Variants in NBEAL1 observed in about 807,000 individuals in gnomAD.
NBEAL1 encodes neurobeachin like 1.
A neutral mutation model predicts 351.3 loss-of-function variants in NBEAL1; 273 were observed. The observed-to-expected ratio is 0.78, with a 90% CI of 0.70 to 0.86. The LOEUF (loss-of-function observed/expected upper bound fraction) is 0.86. Ranked by LOEUF, NBEAL1 falls within the 40% of genes least tolerant of loss-of-function variation. The pLI, the probability that NBEAL1 is intolerant of heterozygous loss-of-function variation, is 0.00. For missense variants in NBEAL1, 2,961 were observed against 3,201.3 expected (o/e 0.92, Z 1.81); for synonymous variants, 1,050 against 1,086.4 (o/e 0.97, Z 0.66).
At chr2:203,140,189 G>A (rs1449256844) in intron 31 of NBEAL1, among the ~76,000 whole-genome samples, 3 of 151,894 alleles carry the variant, frequency 2.0e-5, no homozygotes, top group South Asian at 2.1e-4. Context: ...TGTAATTCCA[G>A]CTATTTGGGG....
chr2:203,192,272 T>G (rs2065111764), intron 46 of NBEAL1, among the ~76,000 whole-genome samples: 1 of 152,240 alleles, frequency 6.6e-6, no homozygotes, highest in Admixed American at 6.5e-5. Context: ...TCACACCTGC[T>G]TTACCTTTCT....
chr2:203,207,250 C>T (rs1231985511), intron 51 of NBEAL1, among the ~76,000 whole-genome samples: 2 of 151,166 alleles, frequency 1.3e-5, no homozygotes. Flanking sequence ...AAGTGAAGAG[C>T]ATCTCCGCCC....
intron 4 of NBEAL1, among the ~76,000 whole-genome samples, chr2:203,051,770 GTAGA>G (rs982403576): frequency 1.1e-4 from 17 of 152,242 alleles, no homozygotes; most frequent in East Asian, 7.7e-4. Context: ...TTTTTGGGTA[GTAGA>G]TAGTTTCTTA....
intron 18 of NBEAL1, among the ~76,000 whole-genome samples, chr2:203,121,646 C>T (rs2062833797): frequency 6.9e-6 from 1 of 145,048 alleles, no homozygotes; most frequent in Non-Finnish European, 1.5e-5. Context: ...GAGTGAGACT[C>T]TGTCTCCAAA....
intron 4 of NBEAL1, among the ~76,000 whole-genome samples, chr2:203,053,384 C>A (rs2061353424): frequency 1.3e-5 from 2 of 152,046 alleles, no homozygotes; most frequent in Non-Finnish European, 2.9e-5. Context: ...GGTGAAGTGT[C>A]TATTTAGATC....
rs370056682 is a variant in NBEAL1 at position 203,149,016 on chromosome 2, G to A, written c.5330G>A (p.Arg1777Gln). Residue 1777 changes from arginine to glutamine, a missense_variant, in exon 34 of 56, where the codon CGA becomes CAA. Arg to Gln is a conservative substitution (Grantham distance 43). Coordinates refer to ENST00000683969, the MANE Select transcript of NBEAL1 (RefSeq NM_001378026.1). ...GAGCTGTTTGTGGAGCCATTTAATC[G>A]AAAAGCACGCCAAGAGAACCTGAGG... ...FQELFVEPFN[R>Q]KARQENLRYN... is the part of the protein sequence containing the mutation. 5.6e-5 allele frequency: 90 copies of A among 1,607,538 alleles called. No individual in the cohort carries two copies. The highest frequency in any genetic ancestry group is 1.7e-4 in the Middle Eastern group (1 of 6,054).
At chr2:203,190,818 A>G (rs1575108660) in intron 46 of NBEAL1, 1 of 1,611,048 alleles carries the variant, frequency 6.2e-7, no homozygotes, top group Non-Finnish European at 8.5e-7. Context: ...TCAAAGTCGT[A>G]TACCTGAGGT....
chr2:203,187,367 GTTTTTTTT>G (rs71034225), intron 44 of NBEAL1, among the ~76,000 whole-genome samples: 2 of 87,790 alleles, frequency 2.3e-5, no homozygotes, highest in African/African-American at 8.7e-5. Flanking sequence ...TCTTGCAATG[GTTTTTTTT>G]TTTTTTTTTT....
At chr2:203,025,438 T>A (rs1399887864) in intron 2 of NBEAL1, among the ~76,000 whole-genome samples, 1 of 152,232 alleles carries the variant, frequency 6.6e-6, no homozygotes, top group East Asian at 1.9e-4. Context: ...AATTATTATA[T>A]CTGAAATACT....
intron 49 of NBEAL1, among the ~76,000 whole-genome samples, chr2:203,201,051 T>TG (rs1191776486): frequency 9.9e-5 from 15 of 152,228 alleles, no homozygotes; most frequent in African/African-American, 3.6e-4. Context: ...ACTTGGAAGC[T>TG]GATAAAACCA....
chr2:203,152,584 C>CT, intron 35 of NBEAL1, among the ~76,000 whole-genome samples: 1 of 151,986 alleles, frequency 6.6e-6, no homozygotes, highest in East Asian at 2.0e-4. Context: ...GAGCAAAACT[C>CT]TGTCTCAAAA....
At chr2:203,198,967 C>G (rs1287069040) in intron 48 of NBEAL1, among the ~76,000 whole-genome samples, 1 of 151,758 alleles carries the variant, frequency 6.6e-6, no homozygotes. Context: ...GTGGGAGGCT[C>G]ACTTAAGCCC....
intron 2 of NBEAL1, among the ~76,000 whole-genome samples, chr2:203,034,007 T>C (rs2060996843): frequency 6.6e-6 from 1 of 152,196 alleles, no homozygotes; most frequent in Admixed American, 6.5e-5. Flanking sequence ...TTCAGTATTT[T>C]TCACAACTGT....
chr2:203,158,570 G>C (rs1335782347), intron 36 of NBEAL1, among the ~76,000 whole-genome samples: 1 of 151,966 alleles, frequency 6.6e-6, no homozygotes, highest in Non-Finnish European at 1.5e-5. Flanking sequence ...ACTGTCATAC[G>C]TATTACATTT....
intron 10 of NBEAL1, among the ~76,000 whole-genome samples, chr2:203,090,214 T>A (rs780721109): frequency 7.4e-4 from 113 of 152,186 alleles, no homozygotes; most frequent in Non-Finnish European, 1.1e-3. Flanking sequence ...ACTTTTTTTT[T>A]ATAGATTTAA....
chr2:203,098,312 A>T (rs962107854), intron 11 of NBEAL1, among the ~76,000 whole-genome samples: 5 of 152,160 alleles, frequency 3.3e-5, no homozygotes, highest in African/African-American at 1.2e-4. Flanking sequence ...ACATTGTGTT[A>T]ATGTCCAAGT....
At chr2:203,113,821 C>CT (rs34496672) in intron 17 of NBEAL1, among the ~76,000 whole-genome samples, 87 of 114,688 alleles carry the variant, frequency 7.6e-4, no homozygotes, top group East Asian at 3.9e-3. Context: ...CTGTGTCTCT[C>CT]TTTTTTTTTT....
chr2:203,161,350 G>A (rs1255612051), intron 36 of NBEAL1, among the ~76,000 whole-genome samples: 20 of 148,616 alleles, frequency 1.3e-4, no homozygotes, highest in African/African-American at 4.7e-4. Context: ...AAAAAAATAG[G>A]CCAGGCGTGG....
chr2:203,059,637 A>G (rs538288631), intron 6 of NBEAL1, among the ~76,000 whole-genome samples: 33 of 152,366 alleles, frequency 2.2e-4, no homozygotes, highest in African/African-American at 7.7e-4. Flanking sequence ...AAAATCTACC[A>G]TGTGACTAGA....
Sources: gnomAD v4.1 joint callset for allele counts (sites outside exome capture counted in the v4.1 genomes callset) on GRCh38, gnomAD v4.1.1 for gene constraint, MANE v1.5 for transcripts, NCBI Gene and HGNC (gene_info 2026-07-23, HGNC 2026-07-21) for gene names.